CCDC102B: variants seen among roughly 807,000 people sequenced by gnomAD.
CCDC102B encodes coiled-coil domain containing 102B, also known as coiled-coil domain-containing protein 102B.
CCDC102B carries 75 observed loss-of-function variants against 57.4 expected under a neutral mutation model. That is an observed-to-expected ratio of 1.31 (90% CI 1.08 to 1.58). The LOEUF is 1.58. CCDC102B is among the 40% of genes most tolerant of loss of function. CCDC102B has a pLI of 0.00. For synonymous variants in CCDC102B, 206 were observed against 201.9 expected (o/e 1.02, Z -0.17); for missense variants, 636 against 582.6 (o/e 1.09, Z -0.94).
At chr18:68,852,457 C>G (rs1208895724) in intron 4 of CCDC102B, among the ~76,000 whole-genome samples, 1 of 152,166 alleles carries the variant, frequency 6.6e-6, no homozygotes, top group Admixed American at 6.6e-5. Context: ...TGCACAGCCT[C>G]TCATATACTT....
intron 2 of CCDC102B, among the ~76,000 whole-genome samples, chr18:68,780,150 A>C (rs1244563444): frequency 6.6e-6 from 1 of 152,114 alleles, no homozygotes; most frequent in Non-Finnish European, 1.5e-5. Context: ...TTTACTTATC[A>C]TAATGTCTCC....
chr18:68,742,596 G>A (rs758730529), intron 2 of CCDC102B, among the ~76,000 whole-genome samples: 5 of 152,212 alleles, frequency 3.3e-5, no homozygotes, highest in Non-Finnish European at 4.4e-5. Flanking sequence ...TATCCGTACT[G>A]TAAATTTAAT....
At chr18:68,866,835 G>A (rs2039006910) in intron 4 of CCDC102B, 1 of 694,260 alleles carries the variant, frequency 1.4e-6, no homozygotes, top group Non-Finnish European at 2.7e-6. Flanking sequence ...TGAAGTCCCT[G>A]TGTCTGGGGC....
chr18:68,880,839 T>G (rs2039669513), intron 5 of CCDC102B, among the ~76,000 whole-genome samples: 1 of 152,230 alleles, frequency 6.6e-6, no homozygotes, highest in Admixed American at 6.5e-5. Context: ...TTGGAACAAT[T>G]ATTTCTAACA....
intron 4 of CCDC102B, among the ~76,000 whole-genome samples, chr18:68,853,672 T>TAAAAAAAAAAAAAAAAAAAAAAAAAAA (rs71175201): frequency 4.2e-5 from 4 of 94,652 alleles, no homozygotes; most frequent in East Asian, 2.3e-4. Flanking sequence ...CCCCAAATTG[T>TAAAAAAAAAAAAAAAAAAAAAAAAAAA]AAAAAAAAAA....
intron 6 of CCDC102B, among the ~76,000 whole-genome samples, chr18:68,999,001 G>T (rs3097684): frequency 1.7e-3 from 68 of 39,176 alleles, no homozygotes; most frequent in East Asian, 8.8e-3. Flanking sequence ...TATATATATA[G>T]AGAGAGAGAG....
intron 6 of CCDC102B, among the ~76,000 whole-genome samples, chr18:68,991,937 T>C (rs147852425): frequency 6.4e-4 from 98 of 152,310 alleles, no homozygotes; most frequent in African/African-American, 2.3e-3. Context: ...ACCCTCAGGA[T>C]AACACATAGA....
chr18:68,962,300 A>G (rs1468195963), intron 6 of CCDC102B, among the ~76,000 whole-genome samples: 1 of 152,104 alleles, frequency 6.6e-6, no homozygotes, highest in African/African-American at 2.4e-5. Flanking sequence ...CTATATTTTG[A>G]GTCTGGTTCT....
At chr18:69,012,117 C>G (rs1349149134) in intron 7 of CCDC102B, among the ~76,000 whole-genome samples, 1 of 151,882 alleles carries the variant, frequency 6.6e-6, no homozygotes, top group Admixed American at 6.6e-5. Context: ...TATATATGTA[C>G]TTTGTAATGA....
chr18:68,738,195 A>G (rs2033229337), intron 2 of CCDC102B, among the ~76,000 whole-genome samples: 1 of 152,148 alleles, frequency 6.6e-6, no homozygotes, highest in Non-Finnish European at 1.5e-5. Context: ...TCGTATGTCC[A>G]CTGCTTCACC....
intron 6 of CCDC102B, among the ~76,000 whole-genome samples, chr18:68,949,979 A>T (rs1350609005): frequency 6.6e-6 from 1 of 152,138 alleles, no homozygotes; most frequent in Non-Finnish European, 1.5e-5. Flanking sequence ...ACCAACCAGA[A>T]TACTGTCTAT....
At chr18:68,924,289 T>G (rs2041399722) in intron 6 of CCDC102B, among the ~76,000 whole-genome samples, 1 of 152,070 alleles carries the variant, frequency 6.6e-6, no homozygotes, top group African/African-American at 2.4e-5. Context: ...TGGAGGTAAT[T>G]GAATCATGAG....
Position 68,857,273 on chromosome 18 carries a change from AT to A in CCDC102B, c.936+10853del, listed in dbSNP as rs2038486164. ...TTATTATTTAAATATATAAATATATATATAATATATATTTATATATTATATA... is the reference window on the plus strand; with the variant it reads ...TTATTATTTAAATATATAAATATATAATAATATATATTTATATATTATATA... On this transcript the variant is annotated intron_variant, in intron 4 of 7. Coordinates refer to ENST00000360242, the MANE Select transcript of CCDC102B (RefSeq NM_024781.3). Among the ~76,000 whole-genome samples the A allele has an allele frequency of 1.8e-4, 7 of 38,466 alleles. 1 individual carries two copies. Among genetic ancestry groups the A allele is most frequent in the East Asian group, 1.9e-3 (2 of 1,074 alleles). The allele number at this position is 38,466 out of a possible 152,430, so 25.2% of individuals were successfully genotyped here. A position where few individuals can be genotyped will look rare whatever the true frequency, so the allele number is the denominator to read the frequency against.
chr18:68,926,841 T>A (rs1195417321), intron 6 of CCDC102B, among the ~76,000 whole-genome samples: 1 of 151,980 alleles, frequency 6.6e-6, no homozygotes, highest in East Asian at 1.9e-4. Flanking sequence ...TATATTGATT[T>A]AATGAAGCAC....
chr18:69,036,827 A>G (rs2052305106), intron 7 of CCDC102B, among the ~76,000 whole-genome samples: 1 of 152,218 alleles, frequency 6.6e-6, no homozygotes, highest in East Asian at 1.9e-4. Context: ...GCTTTGACTA[A>G]ATGCATGAAA....
At chr18:68,728,557 C>T (rs377278444) in intron 2 of CCDC102B, among the ~76,000 whole-genome samples, 2 of 152,292 alleles carry the variant, frequency 1.3e-5, no homozygotes, top group East Asian at 3.9e-4. Context: ...GCTTTAGGCA[C>T]AGCTGGCTGT....
At chr18:68,888,565 ACTT>A (rs1386980458) in intron 5 of CCDC102B, among the ~76,000 whole-genome samples, 2 of 152,204 alleles carry the variant, frequency 1.3e-5, no homozygotes, top group African/African-American at 4.8e-5. Context: ...TGCCAGTAGT[ACTT>A]CTTCAGATGT....
chr18:68,948,270 G>A (rs62095037), intron 6 of CCDC102B, among the ~76,000 whole-genome samples: 35,325 of 151,778 alleles, frequency 0.23, 4,673 homozygotes, highest in South Asian at 0.34. Flanking sequence ...GGTAATTTCT[G>A]TGACTTTTAT....
chr18:68,817,647 G>A (rs1371174207), intron 1 of CCDC102B, among the ~76,000 whole-genome samples: 1 of 152,108 alleles, frequency 6.6e-6, no homozygotes, highest in Non-Finnish European at 1.5e-5. Context: ...TTTTATAAAC[G>A]CGAGAAAGAT....
Sources: allele counts gnomAD v4.1 joint callset (sites outside exome capture counted in the v4.1 genomes callset), GRCh38; gene constraint gnomAD v4.1.1; transcripts MANE v1.5; gene names NCBI Gene and HGNC (gene_info 2026-07-23, HGNC 2026-07-21).